The following TCF4 variants were observed in gnomAD, a reference collection of about 807,000 sequenced individuals.
TCF4 encodes transcription factor 4.
In TCF4, 3 loss-of-function variants were observed where a neutral mutation model predicts 82.1. The ratio of observed to expected loss-of-function variants is 0.04; its 90% CI spans 0.02 to 0.09. The LOEUF (loss-of-function observed/expected upper bound fraction) is 0.09, where lower values mean the gene tolerates loss of function less well. Among genes scored for constraint, TCF4 ranks in the 10% least tolerant of loss-of-function variants. The pLI, the probability that TCF4 is intolerant of heterozygous loss-of-function variation, is 1.00. For synonymous variants in TCF4, 276 were observed against 309.6 expected (o/e 0.89, Z 1.14); for missense variants, 518 against 852.7 (o/e 0.61, Z 4.89).
chr18:55,512,785 A>G (rs554686998), intron 3 of TCF4, among the ~76,000 whole-genome samples: 2 of 152,316 alleles, frequency 1.3e-5, no homozygotes, highest in African/African-American at 4.8e-5. Context: ...AAAATTTTTC[A>G]AAATAAAAAG....
At chr18:55,352,950 A>G (rs2082625465) in intron 6 of TCF4, among the ~76,000 whole-genome samples, 2 of 152,202 alleles carry the variant, frequency 1.3e-5, no homozygotes. Context: ...TCTTCATTTC[A>G]TTGGAAAGAG....
At chr18:55,460,436 C>G (rs907234658) in intron 5 of TCF4, among the ~76,000 whole-genome samples, 3 of 152,108 alleles carry the variant, frequency 2.0e-5, no homozygotes, top group Admixed American at 6.5e-5. Flanking sequence ...TCACAGACAG[C>G]CTCAAACTAA....
intron 3 of TCF4, among the ~76,000 whole-genome samples, chr18:55,565,594 C>T (rs2097397611): frequency 6.6e-6 from 1 of 152,080 alleles, no homozygotes; most frequent in African/African-American, 2.4e-5. Context: ...TCATAAGCAT[C>T]TCACAAAAGC....
intron 3 of TCF4, among the ~76,000 whole-genome samples, chr18:55,494,960 T>C (rs1207941783): frequency 7.3e-6 from 1 of 137,488 alleles, no homozygotes; most frequent in Non-Finnish European, 1.6e-5. Context: ...AATGAAGCCT[T>C]TCTTTAAAAA....
At chr18:55,534,269 A>C (rs1295501578) in intron 3 of TCF4, among the ~76,000 whole-genome samples, 1 of 152,220 alleles carries the variant, frequency 6.6e-6, no homozygotes, top group Non-Finnish European at 1.5e-5. Flanking sequence ...GTAATGCTTA[A>C]GACTGGGCCT....
intron 5 of TCF4, among the ~76,000 whole-genome samples, chr18:55,451,945 G>T (rs2095632057): frequency 6.6e-6 from 1 of 152,194 alleles, no homozygotes; most frequent in African/African-American, 2.4e-5. Flanking sequence ...GTTTGAAGAT[G>T]CAGTGAGCTA....
chr18:55,394,003 A>G (rs2093339379), intron 6 of TCF4, among the ~76,000 whole-genome samples: 1 of 152,248 alleles, frequency 6.6e-6, no homozygotes, highest in African/African-American at 2.4e-5. Flanking sequence ...TCGAGGGAAT[A>G]CATACAATGG....
chr18:55,336,629 T>C (rs1603141007), intron 8 of TCF4, among the ~76,000 whole-genome samples: 1 of 152,112 alleles, frequency 6.6e-6, no homozygotes, highest in African/African-American at 2.4e-5. Flanking sequence ...TTAACAGACA[T>C]ATGCTGTATA....
At chr18:55,537,690 C>T (rs781001664) in intron 3 of TCF4, among the ~76,000 whole-genome samples, 10 of 151,944 alleles carry the variant, frequency 6.6e-5, no homozygotes, top group Non-Finnish European at 1.3e-4. Context: ...AAGTTTGTTG[C>T]GGAGTGTGTC....
At chr18:55,264,712 A>G (rs934986972) in intron 11 of TCF4, 6 of 152,112 alleles carry the variant, frequency 3.9e-5, no homozygotes, top group African/African-American at 9.6e-5. Context: ...TTGTCAATTC[A>G]TATTAGAGAT....
intron 3 of TCF4, among the ~76,000 whole-genome samples, chr18:55,534,579 T>A (rs2097098852): frequency 6.6e-6 from 1 of 152,204 alleles, no homozygotes; most frequent in South Asian, 2.1e-4. Flanking sequence ...TTTTAGAGAA[T>A]AAGACACAGC....
rs375530416 is a variant in TCF4 at position 55,471,279 on chromosome 18, CA to C, written c.146-7143del. ...ATGATTGTTTCTGTTTTCTATTAGA[CA>C]TAAGAAATGGTGCTTCAGAATGAGT... On this transcript the variant is annotated intron_variant, in intron 3 of 19. Transcript: ENST00000354452. Among the ~76,000 whole-genome samples the C allele has an allele frequency of 2.1e-4, 32 of 152,168 alleles. 1 individual carries two copies. The East Asian group carries it at 6.2e-3, about 29-fold the overall frequency.
At chr18:55,325,765 T>C (rs1013556556) in intron 8 of TCF4, among the ~76,000 whole-genome samples, 29 of 152,220 alleles carry the variant, frequency 1.9e-4, no homozygotes, top group Non-Finnish European at 4.0e-4. Context: ...AATGCTGACC[T>C]CTTTTGCCTA....
At chr18:55,283,946 C>T (rs1244200382) in intron 8 of TCF4, among the ~76,000 whole-genome samples, 1 of 152,022 alleles carries the variant, frequency 6.6e-6, no homozygotes, top group East Asian at 1.9e-4. Flanking sequence ...AGGGGTAAAG[C>T]AAGGATGTGA....
chr18:55,474,770 GTTTGT>G (rs1427759491), intron 3 of TCF4, among the ~76,000 whole-genome samples: 1 of 50,752 alleles, frequency 2.0e-5, no homozygotes, highest in Non-Finnish European at 5.5e-5. Flanking sequence ...TGGGGTTTTT[GTTTGT>G]TTTGTTTGTT....
intron 3 of TCF4, among the ~76,000 whole-genome samples, chr18:55,466,874 G>T (rs986935098): frequency 6.6e-6 from 1 of 152,206 alleles, no homozygotes; most frequent in Admixed American, 6.5e-5. Context: ...TTTCAAAGCA[G>T]GTTAAATACT....
chr18:55,454,158 C>T (rs535593516), intron 5 of TCF4, among the ~76,000 whole-genome samples: 5 of 152,162 alleles, frequency 3.3e-5, no homozygotes, highest in South Asian at 4.2e-4. Context: ...GCACTATGCC[C>T]GACCCAAAAT....
rs2097713067 is a variant in TCF4, at chr18:55,617,279, G to A, written c.286+14019C>T. 2.0e-5 allele frequency among the ~76,000 whole-genome samples: 3 copies of A among 151,994 alleles called. No homozygotes were observed. The South Asian group carries it at 6.2e-4, about 31-fold the overall frequency. On this transcript the variant is annotated intron_variant, in intron 2 of 20. Transcript: ENST00000398339. ...GCATACCTTTATTTCCAGGTTCTCT[G>A]TTCTATTGGTCTATAGATCTTTTTT...
rs1333612791 is a variant in TCF4 at position 55,633,557 on chromosome 18, T to C, written c.195+2146A>G. Among the ~76,000 whole-genome samples the C allele has an allele frequency of 1.3e-5, 2 of 152,230 alleles. No individual in the cohort carries two copies. Among genetic ancestry groups the C allele is most frequent in the Admixed American group, 1.3e-4 (2 of 15,286 alleles). On this transcript the variant is annotated intron_variant, in intron 1 of 20. Coordinates refer to the TCF4 transcript ENST00000398339. This position sits in a 1 kb window ranked among gnomAD's most constrained non-coding sequence, Gnocchi z 4.0. ...GCTCCACCTTTTGAAGTTAGTTTTG[T>C]TGGAGGATTTGTGGACATATTTTAA...
Sources: allele counts gnomAD v4.1 joint callset (sites outside exome capture counted in the v4.1 genomes callset), GRCh38; gene constraint gnomAD v4.1.1; non-coding constraint Gnocchi (gnomAD v3.1); transcripts MANE v1.5; gene names NCBI Gene and HGNC (gene_info 2026-07-23, HGNC 2026-07-21).